The following EHMT1 variants were observed in gnomAD, a reference collection of about 807,000 sequenced individuals.
The protein encoded by EHMT1 is histone-lysine N-methyltransferase EHMT1.
Under a neutral mutation model 147.2 loss-of-function variants are expected in EHMT1, and 15 were observed. The observed-to-expected ratio is 0.10, with a 90% CI of 0.07 to 0.16. The LOEUF is 0.16. Among genes scored for constraint, EHMT1 ranks in the 10% least tolerant of loss-of-function variants. The probability of loss-of-function intolerance (pLI) is 1.00; values close to 1 mark genes in which losing one functional copy is unlikely to be tolerated. For missense variants in EHMT1, 1,587 were observed against 1,772.4 expected (o/e 0.90, Z 1.88); for synonymous variants, 795 against 709.6 (o/e 1.12, Z -1.91).
At chr9:137,702,480 T>C (rs1943920426) in intron 1 of EHMT1, among the ~76,000 whole-genome samples, 1 of 152,188 alleles carries the variant, frequency 6.6e-6, no homozygotes, top group African/African-American at 2.4e-5. Context: ...CACAATAATC[T>C]TCTTTGACTC....
chr9:137,635,165 A>G (rs1048428222), intron 1 of EHMT1, among the ~76,000 whole-genome samples: 4 of 151,500 alleles, frequency 2.6e-5, no homozygotes, highest in Admixed American at 2.6e-4. Flanking sequence ...ATTGGGGAAC[A>G]CCGGATGCTT....
At chr9:137,783,813 C>G (rs551327352) in intron 15 of EHMT1, among the ~76,000 whole-genome samples, 2 of 152,260 alleles carry the variant, frequency 1.3e-5, no homozygotes, top group Non-Finnish European at 2.9e-5. Flanking sequence ...TCCCCCGTTT[C>G]CGGAGTCATA....
At chr9:137,675,969 G>A (rs1353010014) in intron 1 of EHMT1, 2 of 151,016 alleles carry the variant, frequency 1.3e-5, no homozygotes, top group African/African-American at 4.9e-5. Flanking sequence ...ATTTTTAGTA[G>A]AGACGGGGTT....
intron 1 of EHMT1, among the ~76,000 whole-genome samples, chr9:137,696,410 G>A (rs1164014578): frequency 6.6e-6 from 1 of 152,188 alleles, no homozygotes; most frequent in African/African-American, 2.4e-5. Context: ...CAGATCCTGG[G>A]CTTTCCTAAA....
chr9:137,812,297 A>G lies in EHMT1; in HGVS notation c.2867+682A>G, dbSNP rs544063503. On this transcript the variant is annotated intron_variant, in intron 19 of 26. Coordinates refer to ENST00000460843, the MANE Select transcript of EHMT1 (RefSeq NM_024757.5). ...GAGATTGCAGTGAGTGGAGATTGCGACGCTACACTCCAACCTGGGCGACAG... is the reference window on the plus strand; with the variant it reads ...GAGATTGCAGTGAGTGGAGATTGCGGCGCTACACTCCAACCTGGGCGACAG... 7.6e-4 allele frequency among the ~76,000 whole-genome samples: 115 copies of G among 152,302 alleles called. 1 individual carries two copies. Among genetic ancestry groups the G allele is most frequent in the South Asian group, 4.8e-3 (23 of 4,828 alleles).
At chr9:137,635,655 C>T (rs942527097) in intron 1 of EHMT1, among the ~76,000 whole-genome samples, 1 of 151,154 alleles carries the variant, frequency 6.6e-6, no homozygotes, top group Non-Finnish European at 1.5e-5. Context: ...CCCGTCTCTA[C>T]TAAAAATACA....
chr9:137,835,033 A>C lies in EHMT1; in HGVS notation c.*80A>C. 7.5e-7 allele frequency: 1 copy of C among 1,332,350 alleles called. No individual in the cohort carries two copies. Among genetic ancestry groups the C allele is most frequent in the Non-Finnish European group, 9.6e-7 (1 of 1,043,240 alleles). The allele number at this position is 1,332,350 out of a possible 1,614,324, so 82.5% of individuals were successfully genotyped here. A position where few individuals can be genotyped will look rare whatever the true frequency, so the allele number is the denominator to read the frequency against. On this transcript the variant is annotated 3_prime_UTR_variant, in exon 27 of 27. Transcript: ENST00000460843. ...AGAGGACGAGGAGGAGAGATTCCGCACGCAACCGAAAGGGTCCTTCGGGGC... is the reference window on the plus strand; with the variant it reads ...AGAGGACGAGGAGGAGAGATTCCGCCCGCAACCGAAAGGGTCCTTCGGGGC...
At position 137,775,010 on chromosome 9, in the gene EHMT1, T is replaced by C. The variant is rs1950857433; in HGVS notation, c.1648-99T>C. The stretch of plus-strand genomic sequence containing the variant: ...CTCGGCTCAGTCAGCCCACACCTGC[T>C]GAGCAGCTCTTGTGTGCCTGCACTG... On this transcript the variant is annotated intron_variant, in intron 10 of 26. Transcript: ENST00000460843. This position sits in a 1 kb window ranked among gnomAD's most constrained non-coding sequence, Gnocchi z 6.1. 6.4e-7 allele frequency: 1 copy of C among 1,570,180 alleles called. No individual in the cohort carries two copies. Among genetic ancestry groups the C allele is most frequent in the Non-Finnish European group, 8.7e-7 (1 of 1,143,902 alleles).
chr9:137,630,194 T>C (rs2133595448), intron 1 of EHMT1, among the ~76,000 whole-genome samples: 1 of 152,358 alleles, frequency 6.6e-6, no homozygotes, highest in Middle Eastern at 3.4e-3. Context: ...TTTGAGCACT[T>C]TCTGTTTATG....
rs1245747046 is a variant in EHMT1 at position 137,811,581 on chromosome 9, A to G, written c.2833A>G (p.Ile945Val). Reference protein sequence around the residue: ...VNIHGDSPLHIAARENRYDCV... With the variant: ...VNIHGDSPLHVAARENRYDCV... Reference sequence around the variant, plus strand: ...CATCCACGGAGACTCGCCACTGCACATTGCCGCCCGGGAGAACCGCTACGA... The same window carrying G: ...CATCCACGGAGACTCGCCACTGCACGTTGCCGCCCGGGAGAACCGCTACGA... Residue 945 changes from isoleucine (I) to valine (V), a missense_variant, in exon 19 of 27, where the codon ATT (isoleucine) becomes GTT (valine). Ile to Val is a conservative substitution (Grantham distance 29). This residue lies in a region of EHMT1 where 201 missense variants were observed against 350.1 expected (regional missense o/e 0.57). Coordinates refer to ENST00000460843, the MANE Select transcript of EHMT1 (RefSeq NM_024757.5). 3 of 1,605,330 alleles carry G rather than the reference A, an allele frequency of 1.9e-6. No homozygotes were observed. Among genetic ancestry groups the G allele is most frequent in the East Asian group, 2.2e-5 (1 of 44,886 alleles).
intron 22 of EHMT1, 170 bp downstream of exon 22, chr9:137,814,678 A>C: frequency 1.3e-6 from 1 of 742,586 alleles, no homozygotes; most frequent in Admixed American, 2.1e-5. Flanking sequence ...CCAGCACCCG[A>C]GTCAGGGTCG....
intron 10 of EHMT1, among the ~76,000 whole-genome samples, chr9:137,765,807 C>T (rs1950182074): frequency 6.6e-6 from 1 of 152,132 alleles, no homozygotes; most frequent in South Asian, 2.1e-4. Context: ...TGTGGCACTG[C>T]TGCCCATCTG....
chr9:137,626,840 C>CA, intron 1 of EHMT1, among the ~76,000 whole-genome samples: 1 of 150,264 alleles, frequency 6.7e-6, no homozygotes, highest in East Asian at 2.0e-4. Flanking sequence ...GGCTGGAGTG[C>CA]AGTGGCGTGA....
intron 1 of EHMT1, among the ~76,000 whole-genome samples, chr9:137,686,730 CTTTTTTTTTTT>C (rs34204547): frequency 2.7e-5 from 3 of 111,010 alleles, no homozygotes; most frequent in Non-Finnish European, 3.8e-5. Flanking sequence ...CTCATTCTTT[CTTTTTTTTTTT>C]TTTTTTTGAG....
At chr9:137,643,395 C>T (rs1272482550) in intron 1 of EHMT1, among the ~76,000 whole-genome samples, 4 of 139,766 alleles carry the variant, frequency 2.9e-5, no homozygotes, top group Non-Finnish European at 6.0e-5. Flanking sequence ...GGCTGGAGTG[C>T]AGTGGTGCCA....
chr9:137,774,934 G>A (rs1186829576), intron 10 of EHMT1, among the ~76,000 whole-genome samples, 175 bp from the exon 11 acceptor site: 1 of 152,194 alleles, frequency 6.6e-6, no homozygotes, highest in African/African-American at 2.4e-5. Context: ...GTGCTGAGGC[G>A]TGTAGCAGGT....
intron 4 of EHMT1, among the ~76,000 whole-genome samples, chr9:137,741,771 G>A (rs1461608540): frequency 1.3e-5 from 2 of 152,084 alleles, no homozygotes; most frequent in Non-Finnish European, 2.9e-5. Flanking sequence ...TGCAAACATT[G>A]TATTTTCAAC....
At chr9:137,770,089 G>A (rs1464926480) in intron 10 of EHMT1, among the ~76,000 whole-genome samples, 2 of 152,086 alleles carry the variant, frequency 1.3e-5, no homozygotes, top group Admixed American at 1.3e-4. Context: ...CGCCCGCCTC[G>A]GCCTCCCAAA....
intron 15 of EHMT1, among the ~76,000 whole-genome samples, chr9:137,783,780 C>T (rs1344528073): frequency 2.0e-5 from 3 of 152,236 alleles, no homozygotes; most frequent in Non-Finnish European, 4.4e-5. Flanking sequence ...CACACTCACC[C>T]GCTGTCCAGC....
Sources: gnomAD v4.1 joint callset for allele counts (sites outside exome capture counted in the v4.1 genomes callset) on GRCh38, gnomAD v4.1.1 for gene constraint, gnomAD v4.1.1 regional missense constraint, Gnocchi (gnomAD v3.1) non-coding constraint, MANE v1.5 for transcripts, NCBI Gene and HGNC (gene_info 2026-07-23, HGNC 2026-07-21) for gene names.